The following ELOC variants were observed in gnomAD, a reference collection of about 807,000 sequenced individuals.
ELOC encodes the protein elongin C, also known as elongin-C.
For missense variants in ELOC, 38 were observed against 139.0 expected (o/e 0.27, Z 3.65); for synonymous variants, 40 against 51.3 (o/e 0.78, Z 0.94).
At chr8:73,963,985 C>T (rs543670001) in intron 1 of ELOC, among the ~76,000 whole-genome samples, 387 of 146,368 alleles carry the variant, frequency 2.6e-3, no homozygotes, top group African/African-American at 9.2e-3. Context: ...CCCAGCTACT[C>T]GGGAGGCTGA....
In ELOC at chr8:73,946,367, C is replaced by A. The variant is rs1178829805; in HGVS notation, c.*263G>T. ...TATATCATCATTGCTGATTTTAAGT[C>A]ACATTCAAAGGATAAGGCAAAACCA... is the stretch of plus-strand genomic sequence containing the variant. On this transcript the variant is annotated 3_prime_UTR_variant, in exon 4 of 4. Coordinates refer to ENST00000520242, the MANE Select transcript of ELOC (RefSeq NM_005648.4). The A allele has an allele frequency of 1.9e-5, 6 of 317,340 alleles. No homozygotes were observed. The highest frequency in any genetic ancestry group is 3.5e-5 in the Non-Finnish European group (6 of 172,942). The allele number at this position is 317,340 out of a possible 1,614,324, so 19.7% of individuals were successfully genotyped here. A position where few individuals can be genotyped will look rare whatever the true frequency, so the allele number is the denominator to read the frequency against.
rs116388942 is a variant in ELOC at position 73,966,913 on chromosome 8, C to A, written c.-51+5164G>T. ...CATTTCTGAAGACTTGATTTCAGCC[C>A]TCCATATAATGTAGTGCTTAAAATC... On this transcript the variant is annotated intron_variant, in intron 1 of 3. Coordinates refer to ENST00000520242, the MANE Select transcript of ELOC (RefSeq NM_005648.4). 5.9e-3 allele frequency among the ~76,000 whole-genome samples: 902 copies of A among 152,236 alleles called. 12 individuals are homozygous for A. The highest frequency in any genetic ancestry group is 0.021 in the African/African-American group (857 of 41,524).
chr8:73,963,620 T>C (rs181588316), intron 1 of ELOC, among the ~76,000 whole-genome samples: 131 of 152,372 alleles, frequency 8.6e-4, no homozygotes, highest in African/African-American at 5.8e-4. Flanking sequence ...GCAAAATCTG[T>C]TCTTCATATC....
At chr8:73,962,375 C>T (rs1814663388) in intron 1 of ELOC, among the ~76,000 whole-genome samples, 1 of 152,162 alleles carries the variant, frequency 6.6e-6, no homozygotes, top group South Asian at 2.1e-4. Flanking sequence ...TTGCCTACTA[C>T]CACAGTAAAA....
chr8:73,964,239 A>G (rs1207657968), intron 1 of ELOC, among the ~76,000 whole-genome samples: 2 of 141,314 alleles, frequency 1.4e-5, no homozygotes. Flanking sequence ...ATCAACTTAT[A>G]AATGGCCAAA....
At chr8:73,971,016 G>A (rs1256231006) in intron 1 of ELOC, among the ~76,000 whole-genome samples, 1 of 114,572 alleles carries the variant, frequency 8.7e-6, no homozygotes, top group African/African-American at 3.2e-5. Flanking sequence ...CCTCAGGACA[G>A]AGCGAGACTC....
chr8:73,955,430 A>T (rs1232364917), intron 3 of ELOC: 2 of 154,400 alleles, frequency 1.3e-5, no homozygotes, highest in Admixed American at 6.5e-5. Context: ...ACATAGGGAA[A>T]CCCCGTCTCT....
chr8:73,970,100 GGTGTC>G (rs1354261227), intron 1 of ELOC, among the ~76,000 whole-genome samples: 1 of 152,216 alleles, frequency 6.6e-6, no homozygotes, highest in Non-Finnish European at 1.5e-5. Context: ...AAATTAGCTA[GGTGTC>G]GTGGTGGGCA....
chr8:73,961,491 C>T (rs1268989511), intron 1 of ELOC, among the ~76,000 whole-genome samples: 1 of 151,832 alleles, frequency 6.6e-6, no homozygotes, highest in African/African-American at 2.4e-5. Context: ...GGCATGGAGA[C>T]AGATATTCAA....
chr8:73,958,264 T>G (rs946915967), intron 2 of ELOC, among the ~76,000 whole-genome samples: 49 of 152,106 alleles, frequency 3.2e-4, no homozygotes, highest in African/African-American at 1.2e-3. Context: ...GGCTTTGGTC[T>G]TTGTTTTTTA....
chr8:73,952,164 G>A (rs1813813095), intron 3 of ELOC, among the ~76,000 whole-genome samples: 2 of 152,036 alleles, frequency 1.3e-5, no homozygotes, highest in South Asian at 4.1e-4. Context: ...AAAACTTTAG[G>A]AGGCCAAGGT....
At chr8:73,965,972 G>A (rs1814944311) in intron 1 of ELOC, among the ~76,000 whole-genome samples, 1 of 152,150 alleles carries the variant, frequency 6.6e-6, no homozygotes, top group African/African-American at 2.4e-5. Flanking sequence ...GGGTCTCGAT[G>A]GGTAGAGGTA....
intron 3 of ELOC, chr8:73,955,628 C>A: frequency 3.4e-6 from 1 of 291,590 alleles, no homozygotes; most frequent in South Asian, 5.3e-5. Flanking sequence ...AAAAATTAGC[C>A]AGGGGTGGTG....
intron 2 of ELOC, among the ~76,000 whole-genome samples, chr8:73,958,223 A>G (rs1319929475): frequency 2.0e-5 from 3 of 151,696 alleles, no homozygotes; most frequent in African/African-American, 7.3e-5. Context: ...CCTCCAAAGT[A>G]GCTGGGAAAT....
At chr8:73,951,655 C>CAAA (rs1813768342) in intron 3 of ELOC, among the ~76,000 whole-genome samples, 1 of 151,286 alleles carries the variant, frequency 6.6e-6, no homozygotes, top group African/African-American at 2.4e-5. Context: ...CCCACAACAA[C>CAAA]AACAACAACA....
intron 3 of ELOC, chr8:73,955,673 G>A (rs1487443071): frequency 6.2e-6 from 3 of 484,418 alleles, no homozygotes; most frequent in African/African-American, 5.9e-5. Context: ...TCTGAGGCAG[G>A]AGAATTGCCT....
intron 2 of ELOC, among the ~76,000 whole-genome samples, chr8:73,956,959 G>A (rs1398394217): frequency 1.3e-5 from 2 of 151,634 alleles, no homozygotes; most frequent in Non-Finnish European, 2.9e-5. Flanking sequence ...GGCTAACACA[G>A]TGGAGATCGA....
At chr8:73,951,294 GGAT>G (rs1230449538) in intron 3 of ELOC, among the ~76,000 whole-genome samples, 1 of 151,974 alleles carries the variant, frequency 6.6e-6, no homozygotes, top group East Asian at 1.9e-4. Flanking sequence ...TATTGAAGCT[GGAT>G]GATGGGCACA....
intron 3 of ELOC, among the ~76,000 whole-genome samples, 181 bp from the exon 4 acceptor site, chr8:73,947,001 T>G (rs1328869278): frequency 6.6e-6 from 1 of 152,126 alleles, no homozygotes; most frequent in Admixed American, 6.6e-5. Context: ...TTTTGTTTGT[T>G]TGTTTGAGAC....
Sources: allele counts gnomAD v4.1 joint callset (sites outside exome capture counted in the v4.1 genomes callset), GRCh38; gene constraint gnomAD v4.1.1; transcripts MANE v1.5; gene names NCBI Gene and HGNC (gene_info 2026-07-23, HGNC 2026-07-21).